VPS13B: variants seen among roughly 807,000 people sequenced by gnomAD.
The protein encoded by VPS13B is intermembrane lipid transfer protein VPS13B.
In VPS13B, 285 loss-of-function variants were observed where a neutral mutation model predicts 426.4. That is an observed-to-expected ratio of 0.67 (90% confidence interval 0.61 to 0.74). The LOEUF (loss-of-function observed/expected upper bound fraction) is 0.74, where lower values mean the gene tolerates loss of function less well. Among genes scored for constraint, VPS13B ranks in the 30% least tolerant of loss-of-function variants. VPS13B has a pLI of 0.00. For synonymous variants in VPS13B, 1,676 were observed against 1,676.4 expected (o/e 1.00, Z 0.01); for missense variants, 4,537 against 4,782.6 (o/e 0.95, Z 1.51).
At chr8:99,419,427 GTTATTTTTC>G (rs1563719658) in intron 21 of VPS13B, among the ~76,000 whole-genome samples, 177 of 147,124 alleles carry the variant, frequency 1.2e-3, no homozygotes, top group African/African-American at 4.2e-3. Context: ...TCCCTTATGG[GTTATTTTTC>G]ATAGTCATCT....
intron 35 of VPS13B, among the ~76,000 whole-genome samples, chr8:99,668,011 G>A (rs1830554933): frequency 6.6e-6 from 1 of 152,018 alleles, no homozygotes; most frequent in African/African-American, 2.4e-5. Flanking sequence ...AGCACTACAA[G>A]TAATACTTTT....
chr8:99,337,252 G>C (rs1435240459), intron 19 of VPS13B, among the ~76,000 whole-genome samples: 4 of 150,922 alleles, frequency 2.7e-5, no homozygotes, highest in Non-Finnish European at 4.4e-5. Flanking sequence ...TCTCAGTGAA[G>C]TATCACAAGA....
intron 33 of VPS13B, among the ~76,000 whole-genome samples, chr8:99,632,364 G>A (rs1178239166): frequency 6.6e-6 from 1 of 151,868 alleles, no homozygotes; most frequent in Non-Finnish European, 1.5e-5. Context: ...AGTTCCATAT[G>A]ACCAAAAATA....
At chr8:99,598,092 T>C (rs1202655863) in intron 33 of VPS13B, among the ~76,000 whole-genome samples, 1 of 152,032 alleles carries the variant, frequency 6.6e-6, no homozygotes, top group Non-Finnish European at 1.5e-5. Flanking sequence ...ATGGAGTGCT[T>C]TGAATATCAG....
At position 99,532,898 on chromosome 8, in the gene VPS13B, G is replaced by A. The variant is rs976341260; in HGVS notation, c.4745+11888G>A. 1.2e-4 allele frequency among the ~76,000 whole-genome samples: 17 copies of A among 146,268 alleles called. 1 individual carries two copies. Among genetic ancestry groups the A allele is most frequent in the African/African-American group, 4.0e-4 (16 of 39,748 alleles). On this transcript the variant is annotated intron_variant, in intron 30 of 61. Coordinates refer to ENST00000357162, the MANE Select transcript of VPS13B (RefSeq NM_152564.5). Reference sequence around the variant, plus strand: ...AGTTTTTTTAAAATTAATCTAAAATGTATTTTAATTTTTTAAATGCATAAT... The same window carrying A: ...AGTTTTTTTAAAATTAATCTAAAATATATTTTAATTTTTTAAATGCATAAT...
intron 35 of VPS13B, 36 bp from the exon 36 acceptor site, chr8:99,699,489 G>C: frequency 6.2e-7 from 1 of 1,606,152 alleles, no homozygotes; most frequent in Non-Finnish European, 8.5e-7. Flanking sequence ...CAGTAAGAAA[G>C]CTTCAATAAT....
chr8:99,599,846 T>C (rs566802767), intron 33 of VPS13B, among the ~76,000 whole-genome samples: 155 of 152,248 alleles, frequency 1.0e-3, no homozygotes, highest in African/African-American at 3.6e-3. Flanking sequence ...CTTTAGCAAA[T>C]GCCACAGGTG....
intron 43 of VPS13B, among the ~76,000 whole-genome samples, chr8:99,803,936 T>C (rs1813263201): frequency 6.6e-6 from 1 of 152,220 alleles, no homozygotes; most frequent in Admixed American, 6.5e-5. Context: ...CTACTTGATA[T>C]TTTAATATCA....
chr8:99,076,740 G>A (rs1299182310), intron 3 of VPS13B, among the ~76,000 whole-genome samples: 1 of 150,384 alleles, frequency 6.6e-6, no homozygotes, highest in African/African-American at 2.4e-5. Flanking sequence ...TCTAGTCTAT[G>A]TGTATTTACA....
chr8:99,349,583 G>T (rs953764993), intron 19 of VPS13B, among the ~76,000 whole-genome samples: 3 of 151,990 alleles, frequency 2.0e-5, no homozygotes, highest in African/African-American at 7.2e-5. Flanking sequence ...TTTGGGACAC[G>T]CTTTTATTGT....
rs1391149548 is a variant in VPS13B at position 99,835,664 on chromosome 8, T to C, written c.9868T>C (p.Leu3290=). The stretch of plus-strand genomic sequence containing the variant: ...CAAAGACTTACTTCCAAGCCTACTT[T>C]TGAGAGTTGAACCTCTAGATGAAGT... ...KTKDLLPSLL[L]RVEPLDEVTT... Residue 3290 remains leucine (L), a synonymous_variant, in exon 54 of 62, where the codon TTG becomes CTG. Transcript: ENST00000357162. The C allele has an allele frequency of 1.9e-6, 3 of 1,614,168 alleles. No individual in the cohort carries two copies. Among genetic ancestry groups the C allele is most frequent in the Non-Finnish European group, 2.5e-6 (3 of 1,180,022 alleles).
chr8:99,670,854 C>A (rs1830685432), intron 35 of VPS13B, among the ~76,000 whole-genome samples: 1 of 152,082 alleles, frequency 6.6e-6, no homozygotes, highest in Non-Finnish European at 1.5e-5. Context: ...TTGTAAATAT[C>A]TACCACATTT....
At chr8:99,019,384 T>A (rs887471966) in intron 2 of VPS13B, among the ~76,000 whole-genome samples, 1 of 152,046 alleles carries the variant, frequency 6.6e-6, no homozygotes, top group African/African-American at 2.4e-5. Flanking sequence ...TTTTTCTGTA[T>A]TTTTAGTAGC....
chr8:99,287,445 G>T (rs1164512376), intron 19 of VPS13B, among the ~76,000 whole-genome samples: 1 of 151,834 alleles, frequency 6.6e-6, no homozygotes, highest in African/African-American at 2.4e-5. Flanking sequence ...TTTAATTTTA[G>T]TAGTTAATTT....
In VPS13B at chr8:99,614,399, T is replaced by C. The variant is rs762377085; in HGVS notation, c.5221-27412T>C. Among the ~76,000 whole-genome samples the C allele has an allele frequency of 4.4e-4, 67 of 152,050 alleles. 1 individual carries two copies. The highest frequency in any genetic ancestry group is 8.7e-4 in the Non-Finnish European group (59 of 68,006). On this transcript the variant is annotated intron_variant, in intron 33 of 61. Coordinates refer to ENST00000357162, the MANE Select transcript of VPS13B (RefSeq NM_152564.5). ...TTCAAGCGATTCTCCTGCCTCAGAC[T>C]CCCAAGTAGCTGGGATTACAGGCAT...
chr8:99,164,378 C>G (rs1233316751), intron 15 of VPS13B, among the ~76,000 whole-genome samples: 1 of 152,074 alleles, frequency 6.6e-6, no homozygotes, highest in African/African-American at 2.4e-5. Context: ...CTGTAAACGC[C>G]GGGCAGCATC....
intron 35 of VPS13B, among the ~76,000 whole-genome samples, chr8:99,684,364 A>G (rs1421768513): frequency 2.0e-5 from 3 of 152,214 alleles, no homozygotes; most frequent in Non-Finnish European, 4.4e-5. Context: ...GGACAGGGGA[A>G]TGAAGAAAAG....
rs112405050 is a variant in VPS13B at position 99,201,278 on chromosome 8, A to T, written c.2515+8221A>T. Among the ~76,000 whole-genome samples, 276 of 152,254 alleles carry T rather than the reference A, an allele frequency of 1.8e-3. 1 individual carries two copies. The highest frequency in any genetic ancestry group is 6.3e-3 in the African/African-American group (262 of 41,570). On this transcript the variant is annotated intron_variant, in intron 17 of 61. Coordinates refer to ENST00000357162, the MANE Select transcript of VPS13B (RefSeq NM_152564.5). ...AAATGCATGTATATAATTGAGTTCCAGTTTTACCATTTCTTTCATTATAAA... is the reference window on the plus strand; with the variant it reads ...AAATGCATGTATATAATTGAGTTCCTGTTTTACCATTTCTTTCATTATAAA...
Position 99,868,312 on chromosome 8 carries a change from C to T in VPS13B, c.11239C>T (p.Gln3747Ter), listed in dbSNP as rs386834061. Residue 3747 changes from glutamine (Q) to a stop codon, truncating the protein, a stop_gained, in exon 59 of 62, where the codon CAG (glutamine) becomes TAG (stop). Transcript: ENST00000357162. LOFTEE classifies it high-confidence loss of function. ...AGGTGCAATTGCTGGTATAGTTGAT[C>T]AGCCGATGCAGAACTTCCAGAAAAC... The part of the protein sequence containing the change: ...LLGAIAGIVD[Q>*]PMQNFQKTSE... 6.8e-6 allele frequency: 11 copies of T among 1,614,034 alleles called. No homozygotes were observed. Among genetic ancestry groups the T allele is most frequent in the Non-Finnish European group, 7.6e-6 (9 of 1,180,048 alleles).
Sources: gnomAD v4.1 joint callset for allele counts (sites outside exome capture counted in the v4.1 genomes callset) on GRCh38, gnomAD v4.1.1 for gene constraint, MANE v1.5 for transcripts, NCBI Gene and HGNC (gene_info 2026-07-23, HGNC 2026-07-21) for gene names.